Variants in ZNF439 observed in about 807,000 individuals in gnomAD.
ZNF439 encodes the protein zinc finger protein 439.
A neutral mutation model predicts 47.3 loss-of-function variants in ZNF439; 40 were observed. The observed-to-expected ratio is 0.85, with a 90% confidence interval of 0.66 to 1.10. The LOEUF is 1.10. Among genes scored for constraint, ZNF439 ranks in the 50% least tolerant of loss-of-function variants. The pLI is 0.00. For synonymous variants in ZNF439, 171 were observed against 198.8 expected, an observed-to-expected ratio of 0.86 and a Z score of 1.18; for missense variants, 556 against 601.1, an observed-to-expected ratio of 0.93 and a Z score of 0.78.
intron 1 of ZNF439, among the ~76,000 whole-genome samples, chr19:11,863,126 A>C (rs1976581998): frequency 6.8e-6 from 1 of 146,394 alleles, no homozygotes; most frequent in Non-Finnish European, 1.5e-5. Flanking sequence ...TGTTCTTTAG[A>C]GAGAGGTATG....
intron 2 of ZNF439, 65 bp downstream of exon 2, chr19:11,866,396 T>C: frequency 2.5e-6 from 4 of 1,608,832 alleles, no homozygotes; most frequent in Non-Finnish European, 1.7e-6. Context: ...TCACCAATGC[T>C]GTTGAGTGAT....
intron 1 of ZNF439, chr19:11,850,042 A>G (rs1388416536): frequency 6.6e-6 from 1 of 152,296 alleles, no homozygotes; most frequent in African/African-American, 2.4e-5. Flanking sequence ...GCCAAGAGCC[A>G]GTCACTTCAC....
chr19:11,853,166 G>T (rs1399006328), intron 1 of ZNF439, among the ~76,000 whole-genome samples: 1 of 151,132 alleles, frequency 6.6e-6, no homozygotes, highest in Non-Finnish European at 1.5e-5. Context: ...TTGACCTCGT[G>T]ATCCACCTGC....
chr19:11,868,024 A>T lies in ZNF439; in HGVS notation c.970A>T (p.Thr324Ser), dbSNP rs1358714604. 6.2e-7 allele frequency: 1 copy of T among 1,614,190 alleles called. No individual in the cohort carries two copies. Among genetic ancestry groups the T allele is most frequent in the African/African-American group, 1.3e-5 (1 of 75,052 alleles). Residue 324 changes from threonine (T) to serine (S), a missense_variant, in exon 4 of 4, where the codon ACC becomes TCC. By Grantham distance (58) the Thr-to-Ser change is moderately conservative. Transcript: ENST00000682736. ...CPRYVRRHER[T>S]HSRKKLYECK... ...CCGTTATGTTCGTAGACATGAAAGG[A>T]CCCACTCTAGGAAAAAACTTTATGA...
At position 11,867,622 on chromosome 19, in the gene ZNF439, C is replaced by A. The variant is rs1271070567; in HGVS notation, c.568C>A (p.Pro190Thr). Residue 190 changes from proline to threonine, a missense_variant, in exon 4 of 4, where the codon CCC becomes ACC. By Grantham distance (38) the Pro-to-Thr change is conservative. Transcript: ENST00000682736. ...TQERDHTGKK[P>T]YACKECGKNI... ...AGAAAGGGATCACACTGGAAAGAAA[C>A]CCTATGCTTGTAAAGAATGTGGAAA... The A allele has an allele frequency of 1.2e-6, 2 of 1,614,054 alleles. No individual in the cohort carries two copies. The highest frequency in any genetic ancestry group is 1.7e-6 in the Non-Finnish European group (2 of 1,180,000).
chr19:11,854,675 T>A (rs1976336901), intron 1 of ZNF439, among the ~76,000 whole-genome samples: 2 of 152,132 alleles, frequency 1.3e-5, no homozygotes, highest in Admixed American at 6.5e-5. Context: ...GGAGAATTGC[T>A]TGAACCCAGG....
At chr19:11,851,470 TG>T (rs149069031) in intron 1 of ZNF439, among the ~76,000 whole-genome samples, 80 of 152,216 alleles carry the variant, frequency 5.3e-4, no homozygotes, top group African/African-American at 1.9e-3. Flanking sequence ...GTTTTCTTCA[TG>T]GGAAACATTT....
At chr19:11,857,120 G>A (rs1473958467) in intron 1 of ZNF439, 3 of 152,190 alleles carry the variant, frequency 2.0e-5, no homozygotes, top group Non-Finnish European at 4.4e-5. Context: ...ATAGCTGCAC[G>A]CCCTTTGGAA....
chr19:11,859,959 T>C (rs1976496043), intron 1 of ZNF439, among the ~76,000 whole-genome samples: 1 of 152,170 alleles, frequency 6.6e-6, no homozygotes, highest in Non-Finnish European at 1.5e-5. Flanking sequence ...CAGTATGGAC[T>C]AAACTCCAAG....
Position 11,848,935 on chromosome 19 carries a change from G to T in ZNF439, c.63+5G>T. 2.6e-6 allele frequency: 4 copies of T among 1,562,404 alleles called. No homozygotes were observed. The highest frequency in any genetic ancestry group is 3.5e-6 in the Non-Finnish European group (4 of 1,147,688). On this transcript the variant is annotated splice_donor_5th_base_variant and intron_variant, in intron 1 of 3. Transcript: ENST00000682736. Reference sequence around the variant, plus strand: ...ACATCTGAAAGCCGGGAAATGGTGCGTGTGCTGGCCGGGAGTGGTGCGATG... The same window carrying T: ...ACATCTGAAAGCCGGGAAATGGTGCTTGTGCTGGCCGGGAGTGGTGCGATG...
intron 1 of ZNF439, among the ~76,000 whole-genome samples, chr19:11,861,741 G>T (rs1364686548): frequency 6.6e-6 from 1 of 152,146 alleles, no homozygotes; most frequent in African/African-American, 2.4e-5. Context: ...AATATACCTG[G>T]GGGTACACAG....
chr19:11,855,312 G>C (rs375467760), intron 1 of ZNF439, among the ~76,000 whole-genome samples: 3 of 152,172 alleles, frequency 2.0e-5, no homozygotes, highest in Non-Finnish European at 2.9e-5. Context: ...TCCATGGAGG[G>C]GGGTAGGAAC....
chr19:11,866,117 G>T (rs753251381), intron 1 of ZNF439, 88 bp from the exon 2 acceptor site: 1 of 1,586,310 alleles, frequency 6.3e-7, no homozygotes, highest in Admixed American at 1.9e-5. Flanking sequence ...GGAGTCCACG[G>T]CATCCTGAGA....
chr19:11,849,254 A>T, intron 1 of ZNF439: 4 of 1,026,380 alleles, frequency 3.9e-6, no homozygotes, highest in Non-Finnish European at 4.7e-6. Flanking sequence ...CGTCCGTAGG[A>T]GGAGCAGCGG....
intron 1 of ZNF439, among the ~76,000 whole-genome samples, chr19:11,865,614 A>G (rs1976651814): frequency 6.9e-6 from 1 of 145,868 alleles, no homozygotes; most frequent in Non-Finnish European, 1.5e-5. Context: ...TTTTCTGCAT[A>G]TTAATTCATA....
At position 11,867,794 on chromosome 19, in the gene ZNF439, A is replaced by G. The variant is rs1976736934; in HGVS notation, c.740A>G (p.Tyr247Cys). 6.2e-6 allele frequency: 10 copies of G among 1,614,160 alleles called. No homozygotes were observed. The highest frequency in any genetic ancestry group is 6.8e-6 in the Non-Finnish European group (8 of 1,180,010). The change falls in exon 4 of 4, where the codon TAT (tyrosine) becomes TGT (cysteine). Residue 247 changes from tyrosine (Y) to cysteine (C), a missense_variant. Coordinates refer to ENST00000682736, the MANE Select transcript of ZNF439 (RefSeq NM_001348719.2). ...AGAACTCACACTGGAGAGAAACCGT[A>G]TGAATGTAAACAATGTGGTAAATCT... ...HERTHTGEKP[Y>C]ECKQCGKSFS...
At chr19:11,857,836 G>C (rs910877963) in intron 1 of ZNF439, 11 of 152,170 alleles carry the variant, frequency 7.2e-5, no homozygotes, top group Non-Finnish European at 8.8e-5. Context: ...CTAAGTAATG[G>C]TATGGGGAAG....
At position 11,868,380 on chromosome 19, in the gene ZNF439, G is replaced by GT; in HGVS notation, c.1327dup (p.Tyr443LeufsTer4). On this transcript the variant is annotated frameshift_variant, in exon 4 of 4. Transcript: ENST00000682736. LOFTEE classifies it high-confidence loss of function. ...GTAGGACTCACACTGGAGAGAAACC[G>GT]TATCAATGTAAGGAATGTGGGAAAG... 1 of 1,603,422 alleles carries GT rather than the reference G, an allele frequency of 6.2e-7. No homozygotes were observed. Among genetic ancestry groups the GT allele is most frequent in the Non-Finnish European group, 8.5e-7 (1 of 1,172,800 alleles).
chr19:11,853,206 G>A (rs752612532), intron 1 of ZNF439, among the ~76,000 whole-genome samples: 2 of 152,192 alleles, frequency 1.3e-5, no homozygotes, highest in Non-Finnish European at 2.9e-5. Flanking sequence ...TGGGATTACA[G>A]GTGTGAGCCA....
Sources: allele counts gnomAD v4.1 joint callset (sites outside exome capture counted in the v4.1 genomes callset), GRCh38; gene constraint gnomAD v4.1.1; transcripts MANE v1.5; gene names NCBI Gene and HGNC (gene_info 2026-07-23, HGNC 2026-07-21).